The following ADNP variants were observed in gnomAD, a reference collection of about 807,000 sequenced individuals.
The protein encoded by ADNP is activity dependent neuroprotector homeobox.
Under a neutral mutation model 84.9 loss-of-function variants are expected in ADNP, and 4 were observed. The ratio of observed to expected loss-of-function variants is 0.05; its 90% CI spans 0.02 to 0.11. The LOEUF (loss-of-function observed/expected upper bound fraction) is 0.11, where lower values mean the gene tolerates loss of function less well. Among genes scored for constraint, ADNP ranks in the 10% least tolerant of loss-of-function variants. ADNP has a pLI of 1.00. For missense variants in ADNP, 1,132 were observed against 1,326.0 expected (o/e 0.85, Z 2.27); for synonymous variants, 554 against 468.1 (o/e 1.18, Z -2.37).
intron 5 of ADNP, among the ~76,000 whole-genome samples, chr20:50,895,222 C>T (rs575257720): frequency 1.3e-4 from 20 of 152,198 alleles, no homozygotes; most frequent in Non-Finnish European, 2.5e-4. Context: ...GTGAAATCCT[C>T]AAGTGTGTAT....
chr20:50,914,464 T>C (rs1600978990), intron 2 of ADNP: 1 of 410,264 alleles, frequency 2.4e-6, no homozygotes, highest in East Asian at 5.1e-5. Flanking sequence ...GAAACTAACA[T>C]ACTTGGGCAC....
At chr20:50,897,304 T>C (rs1981506500) in intron 5 of ADNP, among the ~76,000 whole-genome samples, 1 of 152,216 alleles carries the variant, frequency 6.6e-6, no homozygotes, top group South Asian at 2.1e-4. Context: ...CTGAATTTTC[T>C]TGAGGGTTCT....
chr20:50,891,121 A>G lies in ADNP; in HGVS notation c.*284T>C. 17 of 1,202,292 alleles carry G rather than the reference A, an allele frequency of 1.4e-5. No homozygotes were observed. The highest frequency in any genetic ancestry group is 1.8e-5 in the Non-Finnish European group (17 of 968,528). 74.5% of individuals were successfully genotyped at this position (1,202,292 alleles called of 1,614,324 possible). A position where few individuals can be genotyped will look rare whatever the true frequency, so the allele number is the denominator to read the frequency against. ...TTTCACAGAGGGAAAGAAATGTTGAAAAGGCAGATAAAATAAACCTCTGCT... is the reference window on the plus strand; with the variant it reads ...TTTCACAGAGGGAAAGAAATGTTGAGAAGGCAGATAAAATAAACCTCTGCT... On this transcript the variant is annotated 3_prime_UTR_variant, in exon 6 of 6. Coordinates refer to ENST00000621696, the MANE Select transcript of ADNP (RefSeq NM_001282531.3).
intron 2 of ADNP, among the ~76,000 whole-genome samples, chr20:50,922,200 C>T (rs1309291404): frequency 2.0e-5 from 3 of 152,062 alleles, no homozygotes; most frequent in African/African-American, 7.2e-5. Context: ...AGGGTTTTTT[C>T]CCAAGCAGCG....
At chr20:50,903,359 A>G (rs778802397) in intron 4 of ADNP, among the ~76,000 whole-genome samples, 34 of 152,238 alleles carry the variant, frequency 2.2e-4, no homozygotes, top group South Asian at 4.1e-4. Flanking sequence ...GGGGAAAGTA[A>G]TAGTCTATGA....
Position 50,892,460 on chromosome 20 carries a change from A to C in ADNP, c.2254T>G (p.Leu752Val). 1 of 1,614,150 alleles carries C rather than the reference A, an allele frequency of 6.2e-7. No individual in the cohort carries two copies. The highest frequency in any genetic ancestry group is 8.5e-7 in the Non-Finnish European group (1 of 1,180,034). ...TCATGACCCTTGGGGTCTAAAGCTA[A>C]AACAACAGGCTCTTCAGGCTTCTCT... ...FEEKPEEPVV[L>V]ALDPKGHEDD... Residue 752 changes from leucine (L) to valine (V), a missense_variant, in exon 6 of 6, where the codon TTA (leucine) becomes GTA (valine). Leu to Val is a conservative substitution (Grantham distance 32, BLOSUM62 1). Transcript: ENST00000621696.
chr20:50,899,929 G>C (rs1273707030), intron 5 of ADNP, among the ~76,000 whole-genome samples: 1 of 141,606 alleles, frequency 7.1e-6, no homozygotes, highest in Admixed American at 7.3e-5. Context: ...AAAGGACAAA[G>C]CTTCCGCAGT....
intron 1 of ADNP, among the ~76,000 whole-genome samples, chr20:50,929,801 C>A (rs1984538926): frequency 6.6e-6 from 1 of 151,842 alleles, no homozygotes; most frequent in Non-Finnish European, 1.5e-5. Context: ...GGATGGACAT[C>A]ATTAACATGA....
chr20:50,919,310 T>TATATATATATATAG (rs1983768700), intron 2 of ADNP, among the ~76,000 whole-genome samples: 1 of 145,266 alleles, frequency 6.9e-6, no homozygotes, highest in African/African-American at 2.6e-5. Context: ...TATATATATA[T>TATATATATATATAG]ATATATGTAA....
intron 1 of ADNP, among the ~76,000 whole-genome samples, chr20:50,930,422 G>C (rs1247170091): frequency 6.6e-6 from 1 of 151,682 alleles, no homozygotes; most frequent in African/African-American, 2.4e-5. Flanking sequence ...TCAAGGCATG[G>C]GGGTGTGCGT....
chr20:50,898,394 G>T (rs1007094978), intron 5 of ADNP, among the ~76,000 whole-genome samples: 1 of 152,152 alleles, frequency 6.6e-6, no homozygotes, highest in African/African-American at 2.4e-5. Flanking sequence ...GTGCTGAGAG[G>T]TACACAGCAC....
chr20:50,899,895 T>C (rs1391565872), intron 5 of ADNP, among the ~76,000 whole-genome samples: 2 of 135,596 alleles, frequency 1.5e-5, no homozygotes, highest in African/African-American at 6.0e-5. Context: ...TTTGGAGCGG[T>C]AGCAAGATTC....
intron 2 of ADNP, among the ~76,000 whole-genome samples, chr20:50,906,217 A>T (rs1184177120): frequency 6.6e-6 from 1 of 152,190 alleles, no homozygotes; most frequent in Non-Finnish European, 1.5e-5. Context: ...TCAAAAACAG[A>T]CAAACAAAAA....
Position 50,920,214 on chromosome 20 carries a change from T to G in ADNP, c.-90+8437A>C, listed in dbSNP as rs548704151. 4.4e-5 allele frequency among the ~76,000 whole-genome samples: 6 copies of G among 136,740 alleles called. No individual in the cohort carries two copies. In the South Asian group the frequency reaches 6.8e-4, roughly 16 times the overall value. The allele number at this position is 136,740 out of a possible 152,430, so 89.7% of individuals were successfully genotyped here. The stretch of plus-strand genomic sequence containing the variant: ...ATTGCTTGAATCCGGGAGGCGGAGG[T>G]TGCAGTCACTGCACTCCAGCCTGGG... On this transcript the variant is annotated intron_variant, in intron 2 of 5. Transcript: ENST00000621696.
Position 50,893,790 on chromosome 20 carries a change from T to C in ADNP, c.924A>G (p.Ser308=). The change falls in exon 6 of 6, where the codon TCA becomes TCG. Residue 308 remains serine, a synonymous_variant. Coordinates refer to ENST00000621696, the MANE Select transcript of ADNP (RefSeq NM_001282531.3). The surrounding 1 kb of genome is among the most constrained non-coding windows in gnomAD (Gnocchi z 4.4). ...TAGAATTTAAGTTAGGCTTTGGTAT[T>C]GAGAGTCGATTCACCATCTGCTGTG... ...LPSQQMVNRL[S]IPKPNLNSTG... 5 of 1,614,214 alleles carry C rather than the reference T, an allele frequency of 3.1e-6. No individual in the cohort carries two copies. Among genetic ancestry groups the C allele is most frequent in the Middle Eastern group, 3.3e-4 (2 of 6,062 alleles).
chr20:50,905,370 CCA>C (rs1012815213), intron 2 of ADNP: 50 of 152,192 alleles, frequency 3.3e-4, no homozygotes, highest in African/African-American at 1.1e-3. Flanking sequence ...ATATGCAAAT[CCA>C]GTTTTCTAAT....
At position 50,892,073 on chromosome 20, in the gene ADNP, T is replaced by G; in HGVS notation, c.2641A>C (p.Asn881His). 5 of 1,614,146 alleles carry G rather than the reference T, an allele frequency of 3.1e-6. No homozygotes were observed. Among genetic ancestry groups the G allele is most frequent in the Non-Finnish European group, 3.4e-6 (4 of 1,180,026 alleles). ...EDDSSSDSFE[N>H]LEEESNESGS... ...CTTTCATTGGATTCTTCTTCCAAAT[T>G]TTCAAAACTGTCTGAGGAACTGTCA... is the stretch of plus-strand genomic sequence containing the variant. Residue 881 changes from asparagine to histidine, a missense_variant, in exon 6 of 6, where the codon AAT (asparagine) becomes CAT (histidine). Asn to His is a moderately conservative substitution (Grantham distance 68). Coordinates refer to ENST00000621696, the MANE Select transcript of ADNP (RefSeq NM_001282531.3).
chr20:50,916,728 T>A (rs1288929609), intron 2 of ADNP, among the ~76,000 whole-genome samples: 2 of 152,174 alleles, frequency 1.3e-5, no homozygotes, highest in South Asian at 2.1e-4. Flanking sequence ...AAATATGCAG[T>A]GCCTTTTCAG....
Position 50,915,625 on chromosome 20 carries a change from CT to C in ADNP, c.-89-10777del, listed in dbSNP as rs557243053. Among the ~76,000 whole-genome samples the C allele has an allele frequency of 1.3e-3, 201 of 152,278 alleles. 4 individuals carry two copies. Among genetic ancestry groups the C allele is most frequent in the Middle Eastern group, 6.8e-3 (2 of 294 alleles). ...TCTGATGCCTCCTCCTTTTCCTCCC[CT>C]CCCTCCCCAATCCACAAAACACGTA... On this transcript the variant is annotated intron_variant, in intron 2 of 5. Transcript: ENST00000621696.
Sources: gnomAD v4.1 joint callset for allele counts (sites outside exome capture counted in the v4.1 genomes callset) on GRCh38, gnomAD v4.1.1 for gene constraint, Gnocchi (gnomAD v3.1) non-coding constraint, MANE v1.5 for transcripts, NCBI Gene and HGNC (gene_info 2026-07-23, HGNC 2026-07-21) for gene names.